GPC5: variants seen among roughly 807,000 people sequenced by gnomAD.
The protein encoded by GPC5 is glypican-5.
A neutral mutation model predicts 53.9 loss-of-function variants in GPC5; 47 were observed. The observed-to-expected ratio is 0.87, with a 90% CI of 0.69 to 1.11. The LOEUF (loss-of-function observed/expected upper bound fraction) is 1.11, where lower values mean the gene tolerates loss of function less well. GPC5 is among the 50% of genes most tolerant of loss of function. GPC5 has a pLI of 0.00. For synonymous variants in GPC5, 286 were observed against 263.3 expected (o/e 1.09, Z -0.84); for missense variants, 748 against 713.1 (o/e 1.05, Z -0.56).
chr13:92,720,767 T>C (rs187140502), intron 7 of GPC5, among the ~76,000 whole-genome samples: 2 of 152,252 alleles, frequency 1.3e-5, no homozygotes, highest in East Asian at 3.9e-4. Context: ...TAAACTTCGC[T>C]GTTCTACTTA....
At chr13:92,456,492 T>A (rs1878272921) in intron 7 of GPC5, among the ~76,000 whole-genome samples, 1 of 152,170 alleles carries the variant, frequency 6.6e-6, no homozygotes, top group Non-Finnish European at 1.5e-5. Context: ...TATCTCTAGC[T>A]TTCAACACCT....
chr13:92,243,049 A>G (rs2042625178), intron 7 of GPC5, among the ~76,000 whole-genome samples: 2 of 152,184 alleles, frequency 1.3e-5, no homozygotes, highest in African/African-American at 4.8e-5. Context: ...GTTTGTAGTT[A>G]CATTAAAACT....
At chr13:92,346,643 T>C (rs1208889199) in intron 7 of GPC5, among the ~76,000 whole-genome samples, 1 of 152,032 alleles carries the variant, frequency 6.6e-6, no homozygotes, top group Non-Finnish European at 1.5e-5. Context: ...CACACAAGGA[T>C]TATGAAGAAT....
chr13:91,872,343 A>C (rs1566315124), intron 5 of GPC5, among the ~76,000 whole-genome samples: 1 of 152,214 alleles, frequency 6.6e-6, no homozygotes, highest in Non-Finnish European at 1.5e-5. Flanking sequence ...CAAGTTCAAA[A>C]AAATAAAATA....
At chr13:92,328,290 C>G (rs1175901233) in intron 7 of GPC5, among the ~76,000 whole-genome samples, 1 of 152,040 alleles carries the variant, frequency 6.6e-6, no homozygotes, top group Non-Finnish European at 1.5e-5. Context: ...ACAGAAATAT[C>G]TGGAGGACTG....
At chr13:92,336,368 A>G (rs2043322998) in intron 7 of GPC5, among the ~76,000 whole-genome samples, 1 of 152,196 alleles carries the variant, frequency 6.6e-6, no homozygotes, top group South Asian at 2.1e-4. Flanking sequence ...TGCTAAATGA[A>G]CACACACATA....
intron 7 of GPC5, among the ~76,000 whole-genome samples, chr13:92,393,361 T>C (rs149286641): frequency 6.6e-6 from 1 of 152,166 alleles, no homozygotes; most frequent in South Asian, 2.1e-4. Flanking sequence ...TACGAACTTA[T>C]GAACACAGGC....
chr13:91,512,379 T>C (rs1214938021), intron 2 of GPC5, among the ~76,000 whole-genome samples: 6 of 152,224 alleles, frequency 3.9e-5, no homozygotes, highest in African/African-American at 1.4e-4. Flanking sequence ...TCCAGTGCAC[T>C]TGAAGTCCTA....
chr13:91,914,434 G>T (rs1341500180), intron 6 of GPC5, among the ~76,000 whole-genome samples: 2 of 151,950 alleles, frequency 1.3e-5, no homozygotes, highest in Non-Finnish European at 2.9e-5. Flanking sequence ...TTTTTATAGA[G>T]ACCCAAACTT....
rs2036321966 is a variant in GPC5 at position 91,715,738 on chromosome 13, C to G, written c.1021-12794C>G. ...TTTCAGTTTTTTGTTCATAAATTAT[C>G]TTGAAGTTGTTTTTTTTTTTTTTAA... On this transcript the variant is annotated intron_variant, in intron 3 of 7. Coordinates refer to ENST00000377067, the MANE Select transcript of GPC5 (RefSeq NM_004466.6). 3.4e-5 allele frequency among the ~76,000 whole-genome samples: 5 copies of G among 146,878 alleles called. No individual in the cohort carries two copies. The South Asian group carries it at 1.1e-3, about 32-fold the overall frequency.
chr13:92,431,715 G>A (rs149864943), intron 7 of GPC5, among the ~76,000 whole-genome samples: 1 of 152,104 alleles, frequency 6.6e-6, no homozygotes, highest in Non-Finnish European at 1.5e-5. Flanking sequence ...ACATGATCTT[G>A]ATTAGAGTAA....
At chr13:91,585,685 G>T (rs556010755) in intron 2 of GPC5, among the ~76,000 whole-genome samples, 64 of 152,314 alleles carry the variant, frequency 4.2e-4, no homozygotes, top group African/African-American at 1.5e-3. Context: ...AGATGCTGGT[G>T]ATGGTGCTTT....
At chr13:91,893,337 C>G (rs1021954251) in intron 5 of GPC5, among the ~76,000 whole-genome samples, 3 of 151,922 alleles carry the variant, frequency 2.0e-5, no homozygotes, top group Non-Finnish European at 4.4e-5. Flanking sequence ...GTAAAACCAA[C>G]TTATTTATTA....
chr13:92,381,859 T>TATATGATA (rs1463615025), intron 7 of GPC5, among the ~76,000 whole-genome samples: 1 of 135,570 alleles, frequency 7.4e-6, no homozygotes, highest in Non-Finnish European at 1.6e-5. Context: ...TCATATATGA[T>TATATGATA]TATATATATC....
At chr13:92,648,141 T>G (rs147023540) in intron 7 of GPC5, among the ~76,000 whole-genome samples, 245 of 152,208 alleles carry the variant, frequency 1.6e-3, no homozygotes, top group Non-Finnish European at 3.1e-3. Flanking sequence ...TTCACTTCAT[T>G]ATTTTTGGTA....
At chr13:91,789,175 T>C (rs1043675798) in intron 5 of GPC5, among the ~76,000 whole-genome samples, 8 of 151,796 alleles carry the variant, frequency 5.3e-5, no homozygotes, top group African/African-American at 1.9e-4. Flanking sequence ...ATCGTGCCAC[T>C]GCACTCTAGC....
chr13:92,647,916 G>C (rs1166802929), intron 7 of GPC5, among the ~76,000 whole-genome samples: 2 of 152,020 alleles, frequency 1.3e-5, no homozygotes, highest in East Asian at 3.9e-4. Context: ...AGGAAAACAT[G>C]ACAAATCATG....
Position 92,577,412 on chromosome 13 carries a change from A to ATG in GPC5, c.1562-288868_1562-288867dup, listed in dbSNP as rs1198171581. On this transcript the variant is annotated intron_variant, in intron 7 of 7. Coordinates refer to ENST00000377067, the MANE Select transcript of GPC5 (RefSeq NM_004466.6). ...TCGACATGAATGAATGTAAGTATGT[A>ATG]TGTATATGTGTGTGTGTGTGTGTGT... 7.4e-3 allele frequency among the ~76,000 whole-genome samples: 797 copies of ATG among 107,352 alleles called. 5 individuals carry two copies. Among genetic ancestry groups the ATG allele is most frequent in the African/African-American group, 0.025 (742 of 30,036 alleles). The allele number at this position is 107,352 out of a possible 152,430, so 70.4% of individuals were successfully genotyped here.
At chr13:92,297,055 A>G (rs1212962588) in intron 7 of GPC5, among the ~76,000 whole-genome samples, 5 of 152,200 alleles carry the variant, frequency 3.3e-5, no homozygotes, top group African/African-American at 9.6e-5. Flanking sequence ...ATGCAAGCGC[A>G]TGGCGCAGGA....
Sources: gnomAD v4.1 joint callset for allele counts (sites outside exome capture counted in the v4.1 genomes callset) on GRCh38, gnomAD v4.1.1 for gene constraint, MANE v1.5 for transcripts, NCBI Gene and HGNC (gene_info 2026-07-23, HGNC 2026-07-21) for gene names.